GCNT1: variants seen among roughly 807,000 people sequenced by gnomAD.
The protein encoded by GCNT1 is beta-1,3-galactosyl-O-glycosyl-glycoprotein beta-1,6-N-acetylglucosaminyltransferase.
Under a neutral mutation model 26.2 loss-of-function variants are expected in GCNT1, and 16 were observed. That is an observed-to-expected ratio of 0.61 (90% CI 0.41 to 0.93). The LOEUF (loss-of-function observed/expected upper bound fraction) is 0.93. GCNT1 is among the 40% of genes least tolerant of loss of function. The pLI is 0.00. For missense variants in GCNT1, 477 were observed against 526.7 expected (o/e 0.91, Z 0.92); for synonymous variants, 183 against 190.8 (o/e 0.96, Z 0.34).
chr9:76,470,741 A>AAT (rs1824113584), intron 2 of GCNT1, among the ~76,000 whole-genome samples: 1 of 152,158 alleles, frequency 6.6e-6, no homozygotes, highest in Admixed American at 6.5e-5. Context: ...ATACCCCATA[A>AAT]ATATATACAA....
rs565696794 is a variant in GCNT1, at chr9:76,450,818, T to C, written c.-290+8503T>C. ...ATATATTTTCTAGTTTGTTGACTTT[T>C]AACTTTGTTTATGATATATTTTGTT... On this transcript the variant is annotated intron_variant, in intron 1 of 2. Coordinates refer to the GCNT1 transcript ENST00000442371. Among the ~76,000 whole-genome samples, 6 of 152,376 alleles carry C rather than the reference T, an allele frequency of 3.9e-5. No individual in the cohort carries two copies. The East Asian group carries it at 9.6e-4, about 24-fold the overall frequency.
At chr9:76,461,114 C>G (rs1190683776) in intron 2 of GCNT1, among the ~76,000 whole-genome samples, 1 of 151,666 alleles carries the variant, frequency 6.6e-6, no homozygotes. Flanking sequence ...GCAGAGGAAC[C>G]TGCTAAGGCT....
At chr9:76,474,452 T>C (rs997669150) in intron 2 of GCNT1, among the ~76,000 whole-genome samples, 2 of 152,204 alleles carry the variant, frequency 1.3e-5, no homozygotes, top group African/African-American at 4.8e-5. Flanking sequence ...ATAGTTCATA[T>C]TTATAACAGT....
chr9:76,492,483 C>T (rs544379256), intron 2 of GCNT1, among the ~76,000 whole-genome samples: 11 of 151,890 alleles, frequency 7.2e-5, no homozygotes, highest in South Asian at 2.1e-4. Context: ...ACGAGAAAGC[C>T]GCACCAGTGT....
chr9:76,460,571 TGG>T (rs1823850962), intron 2 of GCNT1, among the ~76,000 whole-genome samples: 1 of 152,244 alleles, frequency 6.6e-6, no homozygotes, highest in Non-Finnish European at 1.5e-5. Flanking sequence ...GCCCCCCTGC[TGG>T]AGGCTTTCGT....
chr9:76,489,241 CAT>C (rs1824664066), intron 2 of GCNT1, among the ~76,000 whole-genome samples: 1 of 152,164 alleles, frequency 6.6e-6, no homozygotes, highest in Non-Finnish European at 1.5e-5. Flanking sequence ...TTGATGGTGA[CAT>C]AGTATTTCTT....
chr9:76,429,935 C>T (rs538010069), intron 1 of GCNT1, among the ~76,000 whole-genome samples: 2 of 152,112 alleles, frequency 1.3e-5, no homozygotes, highest in South Asian at 2.1e-4. Flanking sequence ...AGGATGGTCT[C>T]GATCTCCTGA....
chr9:76,434,228 A>AG (rs1413513652), intron 1 of GCNT1, among the ~76,000 whole-genome samples: 1 of 152,148 alleles, frequency 6.6e-6, no homozygotes, highest in African/African-American at 2.4e-5. Flanking sequence ...CCTGTGGATA[A>AG]GGGGGGACTA....
chr9:76,481,118 A>G (rs1824410942), intron 2 of GCNT1, among the ~76,000 whole-genome samples: 2 of 152,084 alleles, frequency 1.3e-5, no homozygotes, highest in South Asian at 4.1e-4. Flanking sequence ...TGTGCCTGTA[A>G]TCCCAGCTAC....
the GCNT1 span, among the ~76,000 whole-genome samples, chr9:76,404,707 G>A: frequency 2.0e-5 from 3 of 152,156 alleles, no homozygotes; most frequent in Non-Finnish European, 2.9e-5. Context: ...TATGAAGAGA[G>A]GCCTGAAGTA....
At chr9:76,407,252 A>G in the GCNT1 span, among the ~76,000 whole-genome samples, 1 of 152,006 alleles carries the variant, frequency 6.6e-6, no homozygotes, top group Non-Finnish European at 1.5e-5. Context: ...ATATATTATA[A>G]TAGAGTTATT....
At chr9:76,412,210 TAGTG>T in the GCNT1 span, among the ~76,000 whole-genome samples, 3 of 152,172 alleles carry the variant, frequency 2.0e-5, no homozygotes, top group Non-Finnish European at 4.4e-5. Context: ...TATATTTTCT[TAGTG>T]AGCAGAAGCA....
chr9:76,434,761 G>A (rs1464903891), intron 1 of GCNT1, among the ~76,000 whole-genome samples: 1 of 152,208 alleles, frequency 6.6e-6, no homozygotes, highest in African/African-American at 2.4e-5. Flanking sequence ...GCAAGTAAGA[G>A]AGATATCGCT....
intron 2 of GCNT1, among the ~76,000 whole-genome samples, chr9:76,498,790 A>AAG (rs1554739094): frequency 4.0e-5 from 6 of 150,640 alleles, no homozygotes; most frequent in African/African-American, 1.5e-4. Context: ...AAAAAAAAAA[A>AAG]GAAAAAAAGT....
chr9:76,496,966 A>G (rs1297098830), intron 2 of GCNT1, among the ~76,000 whole-genome samples: 1 of 152,190 alleles, frequency 6.6e-6, no homozygotes, highest in East Asian at 1.9e-4. Flanking sequence ...TTGTTGGATT[A>G]GGCAGGCCTT....
intron 2 of GCNT1, among the ~76,000 whole-genome samples, chr9:76,468,807 A>G (rs1177218086): frequency 1.3e-5 from 2 of 152,196 alleles, no homozygotes; most frequent in Non-Finnish European, 2.9e-5. Flanking sequence ...ATTACTTTTC[A>G]AAAGAAATTT....
chr9:76,493,801 T>C (rs952299710), intron 2 of GCNT1, among the ~76,000 whole-genome samples: 7 of 152,100 alleles, frequency 4.6e-5, no homozygotes, highest in Non-Finnish European at 1.0e-4. Context: ...GGACATAAGG[T>C]ATTTCACTCC....
intron 2 of GCNT1, among the ~76,000 whole-genome samples, chr9:76,478,038 T>C (rs1403731156): frequency 6.6e-6 from 1 of 152,080 alleles, no homozygotes; most frequent in Non-Finnish European, 1.5e-5. Context: ...AATCAGCGCT[T>C]TGTAAAATGG....
chr9:76,449,930 C>G (rs1823637579), intron 1 of GCNT1, among the ~76,000 whole-genome samples: 1 of 152,002 alleles, frequency 6.6e-6, no homozygotes, highest in Admixed American at 6.6e-5. Flanking sequence ...ATTACAGACG[C>G]CCAGCTAATT....
Sources: gnomAD v4.1 joint callset for allele counts (sites outside exome capture counted in the v4.1 genomes callset) on GRCh38, gnomAD v4.1.1 for gene constraint, MANE v1.5 for transcripts, NCBI Gene and HGNC (gene_info 2026-07-23, HGNC 2026-07-21) for gene names.